The following METTL15 variants were observed in gnomAD, a reference collection of about 807,000 sequenced individuals.
METTL15 encodes the protein methyltransferase 15, mitochondrial 12S rRNA N4-cytidine.
In METTL15, 34 loss-of-function variants were observed where a neutral mutation model predicts 38.3. The ratio of observed to expected loss-of-function variants is 0.89; its 90% CI spans 0.68 to 1.18. The LOEUF (loss-of-function observed/expected upper bound fraction) is 1.18, where lower values mean the gene tolerates loss of function less well. Among genes scored for constraint, METTL15 ranks in the 50% most tolerant of loss-of-function variants. METTL15 has a pLI of 0.00. For missense variants in METTL15, 438 were observed against 498.4 expected, an observed-to-expected ratio of 0.88 and a Z score of 1.15; for synonymous variants, 162 against 170.9, an observed-to-expected ratio of 0.95 and a Z score of 0.41.
chr11:28,526,065 A>G (rs773402259), intron 6 of METTL15, among the ~76,000 whole-genome samples: 11 of 152,200 alleles, frequency 7.2e-5, no homozygotes, highest in Admixed American at 6.5e-5. Context: ...CTCACTGCCC[A>G]GGGCCACTCT....
At chr11:28,300,656 G>A (rs1398896665) in intron 6 of METTL15, among the ~76,000 whole-genome samples, 1 of 152,048 alleles carries the variant, frequency 6.6e-6, no homozygotes. Flanking sequence ...CAACCTGTAG[G>A]ATTTCACTGT....
At position 28,280,770 on chromosome 11, in the gene METTL15, A is replaced by G. The variant is rs565845798; in HGVS notation, c.408-9436A>G. ...CATGTCCCTAATTCTCTCTTTGGCT[A>G]TTTGTGAGCTGCTTTTAAGCCCATC... On this transcript the variant is annotated intron_variant, in intron 4 of 6. Transcript: ENST00000407364. 4.8e-5 allele frequency among the ~76,000 whole-genome samples: 7 copies of G among 146,506 alleles called. No individual in the cohort carries two copies. In the East Asian group the frequency reaches 1.2e-3, roughly 25 times the overall value.
chr11:28,112,390 G>A (rs115380327), intron 2 of METTL15, among the ~76,000 whole-genome samples: 126 of 152,224 alleles, frequency 8.3e-4, no homozygotes, highest in African/African-American at 2.9e-3. Flanking sequence ...CTAATAACCT[G>A]TAAGGAAAGA....
chr11:28,352,357 C>T (rs916994290), intron 4 of METTL15, among the ~76,000 whole-genome samples: 6 of 152,118 alleles, frequency 3.9e-5, no homozygotes, highest in Non-Finnish European at 7.4e-5. Flanking sequence ...GACTTTCCCT[C>T]ATGTTTTACT....
intron 4 of METTL15, among the ~76,000 whole-genome samples, chr11:28,221,100 G>T (rs1182006230): frequency 1.3e-5 from 2 of 152,104 alleles, no homozygotes; most frequent in Non-Finnish European, 1.5e-5. Context: ...GCATTTGAAT[G>T]TTGGCCTACC....
intron 3 of METTL15, among the ~76,000 whole-genome samples, chr11:28,129,534 T>C (rs1205108791): frequency 2.6e-5 from 4 of 151,990 alleles, no homozygotes; most frequent in Non-Finnish European, 4.4e-5. Flanking sequence ...CTTAGTCTCC[T>C]GAGTAGCTGG....
chr11:28,224,213 G>C (rs1396461465), intron 4 of METTL15, among the ~76,000 whole-genome samples: 4 of 151,690 alleles, frequency 2.6e-5, no homozygotes, highest in Non-Finnish European at 4.4e-5. Flanking sequence ...ACTCTTTCCT[G>C]TTTGAATTTT....
chr11:28,173,390 G>C (rs1238871742), intron 3 of METTL15, among the ~76,000 whole-genome samples: 1 of 152,140 alleles, frequency 6.6e-6, no homozygotes, highest in East Asian at 1.9e-4. Context: ...CACCATCTGT[G>C]AACCGGGAAA....
chr11:28,330,806 C>T lies in METTL15; in HGVS notation c.1189C>T (p.Arg397Cys), dbSNP rs566042076. 84 of 1,550,762 alleles carry T rather than the reference C, an allele frequency of 5.4e-5. No individual in the cohort carries two copies. The African/African-American group carries it at 7.4e-4, about 14-fold the overall frequency. Reference protein sequence around the residue: ...DQDVQDNPRGRSAKLRAAIKL With the variant: ...DQDVQDNPRGCSAKLRAAIKL ...GGATGTACAAGATAACCCCAGAGGG[C>T]GCTCAGCCAAGCTTAGAGCAGCTAT... Residue 397 changes from arginine to cysteine, a missense_variant, in exon 7 of 7, where the codon CGC (arginine) becomes TGC (cysteine). Arg to Cys is a radical substitution (Grantham distance 180). Transcript: ENST00000407364.
chr11:28,354,977 A>G (rs1401084296), intron 4 of METTL15, among the ~76,000 whole-genome samples: 1 of 152,138 alleles, frequency 6.6e-6, no homozygotes, highest in Non-Finnish European at 1.5e-5. Context: ...CTTTCCCTTA[A>G]CAAAGAAATA....
intron 3 of METTL15, among the ~76,000 whole-genome samples, chr11:28,165,010 G>A (rs1019376381): frequency 3.3e-5 from 5 of 152,028 alleles, no homozygotes; most frequent in Non-Finnish European, 7.4e-5. Context: ...TGTAACAAAT[G>A]ACAAAATTTT....
chr11:28,320,562 A>AC (rs1279518072), intron 6 of METTL15, among the ~76,000 whole-genome samples: 2 of 151,152 alleles, frequency 1.3e-5, no homozygotes, highest in Admixed American at 6.6e-5. Context: ...TGTGCCCCCG[A>AC]CCCCCCAAAA....
intron 6 of METTL15, among the ~76,000 whole-genome samples, chr11:28,318,292 A>G (rs1263009317): frequency 6.6e-6 from 1 of 152,134 alleles, no homozygotes; most frequent in South Asian, 2.1e-4. Context: ...GAAAGTAAGA[A>G]AAGATCTCTG....
chr11:28,183,889 G>A (rs1020012447), intron 3 of METTL15, among the ~76,000 whole-genome samples: 1 of 151,952 alleles, frequency 6.6e-6, no homozygotes, highest in African/African-American at 2.4e-5. Context: ...GTCTGGTTCT[G>A]GACTTTTTTG....
chr11:28,349,631 T>C (rs1248805897), intron 3 of METTL15, among the ~76,000 whole-genome samples: 2 of 152,218 alleles, frequency 1.3e-5, no homozygotes, highest in Non-Finnish European at 2.9e-5. Flanking sequence ...TTTATTTACC[T>C]TAAATATATT....
At chr11:28,343,490 C>T (rs375402889) in intron 3 of METTL15, among the ~76,000 whole-genome samples, 148 of 152,270 alleles carry the variant, frequency 9.7e-4, no homozygotes, top group African/African-American at 3.3e-3. Flanking sequence ...CACTCACAAA[C>T]GAACTGTGGT....
intron 4 of METTL15, among the ~76,000 whole-genome samples, chr11:28,359,547 A>G (rs955824303): frequency 3.3e-5 from 5 of 152,194 alleles, no homozygotes; most frequent in Admixed American, 1.3e-4. Flanking sequence ...CCAACAGTAT[A>G]TAATTGTTCC....
rs538009450 is a variant in METTL15 at position 28,441,071 on chromosome 11, T to C, written c.*424+16707T>C. Among the ~76,000 whole-genome samples, 5 of 151,874 alleles carry C rather than the reference T, an allele frequency of 3.3e-5. No individual in the cohort carries two copies. The East Asian group carries it at 9.7e-4, about 29-fold the overall frequency. ...ACTTATGACACTACTTTTTTTTTTT[T>C]TTTGTAGGATTTATATAATAATGTG... On this transcript the variant is annotated intron_variant and NMD_transcript_variant, in intron 6 of 7. Transcript: ENST00000532947.
rs1383691769 is a variant in METTL15 at position 28,117,237 on chromosome 11, G to GTGTGTT, written c.270+3638_270+3639insTTGTGT. On this transcript the variant is annotated intron_variant, in intron 3 of 6. Transcript: ENST00000407364. ...TACATATATACACCTATATATGTAT[G>GTGTGTT]TGTGTGTGTGTGTGTGTGTGTGTAT... is the stretch of plus-strand genomic sequence containing the variant. Among the ~76,000 whole-genome samples the GTGTGTT allele has an allele frequency of 1.3e-3, 35 of 27,714 alleles. 1 individual carries two copies. The highest frequency in any genetic ancestry group is 2.4e-3 in the Admixed American group (4 of 1,680). 18.2% of individuals were successfully genotyped at this position (27,714 alleles called of 152,430 possible). A position where few individuals can be genotyped will look rare whatever the true frequency, so the allele number is the denominator to read the frequency against.
Sources: allele counts gnomAD v4.1 joint callset (sites outside exome capture counted in the v4.1 genomes callset), GRCh38; gene constraint gnomAD v4.1.1; transcripts MANE v1.5; gene names NCBI Gene and HGNC (gene_info 2026-07-23, HGNC 2026-07-21).